Variants in PARG observed in about 807,000 individuals in gnomAD.
PARG encodes mitochondrial poly(ADP-ribose) glycohydrolase.
Under a neutral mutation model 113.0 loss-of-function variants are expected in PARG, and 35 were observed. That is an observed-to-expected ratio of 0.31 (90% CI 0.24 to 0.41). PARG has a LOEUF of 0.41. Ranked by LOEUF, PARG falls within the 10% of genes least tolerant of loss-of-function variation. PARG has a pLI of 1.00. For missense variants in PARG, 797 were observed against 1,169.4 expected, an observed-to-expected ratio of 0.68 and a Z score of 4.64; for synonymous variants, 330 against 409.9, an observed-to-expected ratio of 0.81 and a Z score of 2.36.
Position 49,933,796 on chromosome 10 carries a change from T to G in PARG, c.652A>C (p.Asn218His). ...QQFLTTVKLA[N>H]AKQTTEDEQA... ...TCATCTTCTGTAGTCTGCTTTGCATTTGCAAGCTTTACAGTTGTGAGAAAC... is the reference window on the plus strand; with the variant it reads ...TCATCTTCTGTAGTCTGCTTTGCATGTGCAAGCTTTACAGTTGTGAGAAAC... Residue 218 changes from asparagine to histidine, a missense_variant, in exon 3 of 18, where the codon AAT becomes CAT. Around this residue, in one of 5 missense-constraint regions of PARG, gnomAD observed 284 missense variants for 306.1 expected, o/e 0.93. Coordinates refer to ENST00000616448, the MANE Select transcript of PARG (RefSeq NM_003631.5). 5.6e-6 allele frequency: 9 copies of G among 1,613,548 alleles called. No homozygotes were observed. The highest frequency in any genetic ancestry group is 7.6e-6 in the Non-Finnish European group (9 of 1,179,456).
At chr10:49,833,027 T>C (rs1844747400) in intron 15 of PARG, 119 bp from the exon 16 acceptor site, 1 of 514,130 alleles carries the variant, frequency 1.9e-6, no homozygotes, top group Non-Finnish European at 3.4e-6. Context: ...ATTTTTTTTT[T>C]CCATAGGGGC....
intron 16 of PARG, among the ~76,000 whole-genome samples, chr10:49,832,322 T>A (rs1253579556): frequency 6.6e-6 from 1 of 152,242 alleles, no homozygotes; most frequent in Non-Finnish European, 1.5e-5. Context: ...TGCATCGGTC[T>A]CATACTGCCT....
intron 16 of PARG, among the ~76,000 whole-genome samples, chr10:49,831,968 T>C (rs1374102232): frequency 2.6e-5 from 4 of 152,142 alleles, no homozygotes; most frequent in South Asian, 2.1e-4. Flanking sequence ...CTGTTCTTAA[T>C]AGGCGAGATC....
At chr10:49,912,744 T>A (rs116201944) in intron 7 of PARG, among the ~76,000 whole-genome samples, 3,008 of 152,190 alleles carry the variant, frequency 0.02, 56 homozygotes, top group African/African-American at 0.051. Flanking sequence ...GAGCGAAGAT[T>A]GCTTGAGCCC....
rs1838575522 is a variant in PARG at position 49,933,205 on chromosome 10, T to C, written c.1243A>G (p.Met415Val). ...KKDSKITDHFMRLPKAEDRRK... is the reference protein window; with the variant it reads ...KKDSKITDHFVRLPKAEDRRK... ...CTGTCCTCTGCTTTGGGCAGTCTCATGAAATGATCTGTGATTTTAGAATCC... is the reference window on the plus strand; with the variant it reads ...CTGTCCTCTGCTTTGGGCAGTCTCACGAAATGATCTGTGATTTTAGAATCC... Residue 415 changes from methionine (M) to valine (V), a missense_variant, in exon 3 of 18, where the codon ATG becomes GTG. Met to Val is a conservative substitution (Grantham distance 21). Around this residue, in one of 5 missense-constraint regions of PARG, gnomAD observed 252 missense variants for 437.4 expected, o/e 0.58. Coordinates refer to ENST00000616448, the MANE Select transcript of PARG (RefSeq NM_003631.5). 3.2e-6 allele frequency: 5 copies of C among 1,584,914 alleles called. No homozygotes were observed. The highest frequency in any genetic ancestry group is 1.8e-5 in the Admixed American group (1 of 56,256).
chr10:49,843,779 G>T (rs1162760974), intron 13 of PARG, 147 bp from the exon 14 acceptor site: 2 of 593,874 alleles, frequency 3.4e-6, no homozygotes, highest in South Asian at 4.5e-5. Flanking sequence ...AAACAAAAAG[G>T]CATAAAGAAT....
intron 9 of PARG, among the ~76,000 whole-genome samples, chr10:49,876,900 T>A (rs1437260394): frequency 6.6e-6 from 1 of 151,712 alleles, no homozygotes; most frequent in Non-Finnish European, 1.5e-5. Flanking sequence ...AATATGCCCC[T>A]TGCAACTAAT....
At chr10:49,829,274 A>AT (rs1844534311) in intron 16 of PARG, among the ~76,000 whole-genome samples, 1 of 151,808 alleles carries the variant, frequency 6.6e-6, no homozygotes, top group South Asian at 2.1e-4. Context: ...TTCTTTTGTA[A>AT]TTTTCTTTTT....
intron 15 of PARG, among the ~76,000 whole-genome samples, chr10:49,838,644 T>A (rs1388201400): frequency 6.6e-6 from 1 of 152,080 alleles, no homozygotes; most frequent in Non-Finnish European, 1.5e-5. Context: ...TTTAAAGCAC[T>A]AAGTAGAATG....
At chr10:49,865,689 T>C (rs1405154068) in intron 10 of PARG, among the ~76,000 whole-genome samples, 1 of 149,800 alleles carries the variant, frequency 6.7e-6, no homozygotes, top group African/African-American at 2.5e-5. Context: ...GGTAAAGTTT[T>C]TGAAGCTGAA....
intron 7 of PARG, among the ~76,000 whole-genome samples, chr10:49,899,827 T>G (rs1274433512): frequency 6.6e-6 from 1 of 152,078 alleles, no homozygotes; most frequent in Non-Finnish European, 1.5e-5. Flanking sequence ...CTATTAAGAG[T>G]CTTCCTATGA....
intron 13 of PARG, among the ~76,000 whole-genome samples, chr10:49,849,275 T>C (rs559574521): frequency 1.8e-4 from 28 of 152,132 alleles, no homozygotes; most frequent in African/African-American, 3.4e-4. Context: ...TTGGTAAACA[T>C]TGAAATACTG....
intron 15 of PARG, among the ~76,000 whole-genome samples, chr10:49,839,228 T>C (rs944704215): frequency 2.0e-5 from 3 of 151,992 alleles, no homozygotes; most frequent in African/African-American, 7.3e-5. Context: ...TCCCAGCTAC[T>C]TGGGAGGCTG....
At chr10:49,910,824 A>G (rs1163935322) in intron 7 of PARG, among the ~76,000 whole-genome samples, 1 of 152,230 alleles carries the variant, frequency 6.6e-6, no homozygotes, top group Non-Finnish European at 1.5e-5. Flanking sequence ...ATGAATAAAT[A>G]TAAAACAAAT....
chr10:49,914,074 G>A (rs1189282223), intron 7 of PARG, among the ~76,000 whole-genome samples: 6 of 152,126 alleles, frequency 3.9e-5, no homozygotes, highest in Non-Finnish European at 8.8e-5. Context: ...TCTGGGCAAG[G>A]TCACCAGATA....
At chr10:49,926,759 T>A (rs1554850660) in intron 4 of PARG, among the ~76,000 whole-genome samples, 1 of 152,330 alleles carries the variant, frequency 6.6e-6, no homozygotes, top group African/African-American at 2.4e-5. Context: ...CAAACCAATA[T>A]ATAACCCCCA....
rs1845975570 is a variant in PARG, at chr10:49,856,169, C to T, written c.2353+1137G>A. Among the ~76,000 whole-genome samples the T allele has an allele frequency of 3.3e-5, 5 of 151,568 alleles. No homozygotes were observed. The South Asian group carries it at 6.3e-4, about 19-fold the overall frequency. On this transcript the variant is annotated intron_variant, in intron 13 of 17. Transcript: ENST00000616448. ...AGAAATCAAGAAGGACAAGAAGAAA[C>T]ACCAAGATAATCAGACTTTTTTTTT...
chr10:49,901,407 C>A (rs1848342701), intron 7 of PARG, among the ~76,000 whole-genome samples: 1 of 149,732 alleles, frequency 6.7e-6, no homozygotes, highest in Non-Finnish European at 1.5e-5. Flanking sequence ...AACCACCACA[C>A]CCAGACTTAA....
chr10:49,889,500 C>T (rs1169875635), intron 7 of PARG, among the ~76,000 whole-genome samples: 1 of 152,172 alleles, frequency 6.6e-6, no homozygotes, highest in African/African-American at 2.4e-5. Context: ...TAGGTCTTTA[C>T]TGATACCACT....
Sources: allele counts gnomAD v4.1 joint callset (sites outside exome capture counted in the v4.1 genomes callset), GRCh38; gene constraint gnomAD v4.1.1; regional missense constraint gnomAD v4.1.1; transcripts MANE v1.5; gene names NCBI Gene and HGNC (gene_info 2026-07-23, HGNC 2026-07-21).